Variants in GCC2 observed in about 807,000 individuals in gnomAD.
The protein encoded by GCC2 is GRIP and coiled-coil domain-containing protein 2.
GCC2 carries 120 observed loss-of-function variants against 210.6 expected under a neutral mutation model. The observed-to-expected ratio is 0.57, with a 90% confidence interval of 0.49 to 0.66. GCC2 has a LOEUF of 0.66. GCC2 is among the 30% of genes least tolerant of loss of function. GCC2 has a pLI of 0.00. For synonymous variants in GCC2, 703 were observed against 652.7 expected, an observed-to-expected ratio of 1.08 and a Z score of -1.17; for missense variants, 1,868 against 1,871.9, an observed-to-expected ratio of 1.00 and a Z score of 0.04.
chr2:108,485,463 A>C (rs1171467604), intron 13 of GCC2, among the ~76,000 whole-genome samples, 173 bp from the exon 14 acceptor site: 2 of 152,186 alleles, frequency 1.3e-5, no homozygotes, highest in African/African-American at 4.8e-5. Flanking sequence ...AGTTGGGTAC[A>C]GTAGAGTTTA....
chr2:108,507,060 A>G (rs1683227597), intron 22 of GCC2, among the ~76,000 whole-genome samples: 2 of 152,296 alleles, frequency 1.3e-5, no homozygotes, highest in African/African-American at 2.4e-5. Context: ...GAAATTCAGT[A>G]TATCCTTTAA....
At chr2:108,502,411 A>G (rs893561982) in intron 22 of GCC2, among the ~76,000 whole-genome samples, 1 of 152,214 alleles carries the variant, frequency 6.6e-6, no homozygotes, top group Non-Finnish European at 1.5e-5. Flanking sequence ...AGATATTTTT[A>G]AAGAATTTCA....
chr2:108,452,335 T>C lies in GCC2; in HGVS notation c.149-64T>C, dbSNP rs150685560. 6.1e-4 allele frequency: 520 copies of C among 854,314 alleles called. 4 individuals are homozygous for C. In the African/African-American group the frequency reaches 7.5e-3, roughly 12 times the overall value. 52.9% of individuals were successfully genotyped at this position (854,314 alleles called of 1,614,324 possible). A position where few individuals can be genotyped will look rare whatever the true frequency, so the allele number is the denominator to read the frequency against. On this transcript the variant is annotated intron_variant, in intron 3 of 22. Coordinates refer to ENST00000309863, the MANE Select transcript of GCC2 (RefSeq NM_181453.4). ...GGGGGGTTTTGTGAGAATGTACTTA[T>C]CAGTTTCCCAGTAATTATGTTCTTT...
chr2:108,496,634 A>G, intron 20 of GCC2: 1 of 321,076 alleles, frequency 3.1e-6, no homozygotes, highest in African/African-American at 2.2e-5. Flanking sequence ...TGCTTTCCTT[A>G]TACGTGAAAT....
At chr2:108,502,286 T>C (rs183536350) in intron 22 of GCC2, among the ~76,000 whole-genome samples, 12 of 152,334 alleles carry the variant, frequency 7.9e-5, no homozygotes, top group Admixed American at 5.2e-4. Flanking sequence ...CAGGCCTCTT[T>C]TAAAAGCTCA....
intron 4 of GCC2, among the ~76,000 whole-genome samples, chr2:108,458,910 T>C (rs377006887): frequency 1.3e-5 from 2 of 152,314 alleles, no homozygotes; most frequent in East Asian, 1.9e-4. Context: ...AAGTCTCTAT[T>C]TCATTTAGTT....
intron 2 of GCC2, chr2:108,449,952 G>T: frequency 2.0e-6 from 1 of 491,628 alleles, no homozygotes; most frequent in Non-Finnish European, 3.7e-6. Context: ...AGCAGTCTAA[G>T]AAGGTTTATA....
chr2:108,478,154 C>A (rs1681640322), intron 9 of GCC2, among the ~76,000 whole-genome samples: 3 of 152,040 alleles, frequency 2.0e-5, no homozygotes, highest in Admixed American at 6.5e-5. Flanking sequence ...GTGTAACTTG[C>A]TCTTATGAAG....
intron 16 of GCC2, among the ~76,000 whole-genome samples, chr2:108,487,165 A>G (rs1682182495): frequency 6.6e-6 from 1 of 152,248 alleles, no homozygotes; most frequent in South Asian, 2.1e-4. Context: ...ACTGAAGTTC[A>G]AATAACTTAA....
chr2:108,461,885 C>T (rs9789660), intron 4 of GCC2, among the ~76,000 whole-genome samples: 51,939 of 136,390 alleles, frequency 0.38, 11,376 homozygotes, highest in East Asian at 0.9. Flanking sequence ...CCAGGCCGGA[C>T]TGCAGTGGCC....
chr2:108,490,122 T>C (rs974928063), intron 18 of GCC2, 108 bp downstream of exon 18: 4 of 797,842 alleles, frequency 5.0e-6, no homozygotes, highest in African/African-American at 3.5e-5. Context: ...AAATAAAAAA[T>C]AGACATTTCT....
In GCC2 at chr2:108,489,890, C is replaced by A; in HGVS notation, c.4105C>A (p.Gln1369Lys). 1.2e-6 allele frequency: 2 copies of A among 1,608,098 alleles called. No homozygotes were observed. The highest frequency in any genetic ancestry group is 2.3e-5 in the East Asian group (1 of 44,084). ...DQLKIKLQDS[Q>K]NNLQINVSEL... ...GCTAAAAATCAAATTACAAGATAGC[C>A]AAAATAACTTACAGATTAATGTATC... Residue 1369 changes from glutamine to lysine, a missense_variant, in exon 18 of 23, where the codon CAA becomes AAA. Gln to Lys is a moderately conservative substitution (Grantham distance 53, BLOSUM62 1). Transcript: ENST00000309863.
chr2:108,455,639 T>A (rs993681179), intron 4 of GCC2, among the ~76,000 whole-genome samples: 6 of 152,242 alleles, frequency 3.9e-5, no homozygotes, highest in East Asian at 1.9e-4. Flanking sequence ...ATATGTGTTG[T>A]GTACATTTCA....
In GCC2 at chr2:108,489,868, A is replaced by G; in HGVS notation, c.4083A>G (p.Leu1361=). 1 of 1,605,852 alleles carries G rather than the reference A, an allele frequency of 6.2e-7. No individual in the cohort carries two copies. The highest frequency in any genetic ancestry group is 8.5e-7 in the Non-Finnish European group (1 of 1,177,076). ...REHLEMLIDQ[L]KIKLQDSQNN... ...ATCTGGAAATGCTGATTGACCAGCT[A>G]AAAATCAAATTACAAGATAGCCAAA... Residue 1361 remains leucine (L), a synonymous_variant, in exon 18 of 23, where the codon CTA becomes CTG. Transcript: ENST00000309863.
chr2:108,501,185 C>T (rs1208396041), intron 22 of GCC2, among the ~76,000 whole-genome samples: 2 of 151,946 alleles, frequency 1.3e-5, no homozygotes, highest in Non-Finnish European at 2.9e-5. Flanking sequence ...CGAGGTTTCA[C>T]CATGTTGGCC....
At chr2:108,506,647 G>T (rs1270918936) in intron 22 of GCC2, among the ~76,000 whole-genome samples, 3 of 152,218 alleles carry the variant, frequency 2.0e-5, no homozygotes, top group African/African-American at 7.2e-5. Context: ...GTTTGTTTTG[G>T]TTCAGTTTTA....
At chr2:108,492,995 T>C (rs1161186344) in intron 19 of GCC2, among the ~76,000 whole-genome samples, 3 of 152,236 alleles carry the variant, frequency 2.0e-5, no homozygotes, top group African/African-American at 7.2e-5. Context: ...CAGAAGTCTG[T>C]ATAACCTCTG....
chr2:108,460,920 CT>C (rs1680537089), intron 4 of GCC2, among the ~76,000 whole-genome samples: 1 of 152,216 alleles, frequency 6.6e-6, no homozygotes, highest in African/African-American at 2.4e-5. Context: ...TCTCTTCCTC[CT>C]GCTCCGACCC....
intron 9 of GCC2, among the ~76,000 whole-genome samples, chr2:108,476,117 G>A (rs951045676): frequency 1.0e-4 from 14 of 135,656 alleles, no homozygotes; most frequent in African/African-American, 3.8e-4. Flanking sequence ...CTGGAGTGCA[G>A]TGGCTCAATC....
Sources: gnomAD v4.1 joint callset for allele counts (sites outside exome capture counted in the v4.1 genomes callset) on GRCh38, gnomAD v4.1.1 for gene constraint, MANE v1.5 for transcripts, NCBI Gene and HGNC (gene_info 2026-07-23, HGNC 2026-07-21) for gene names.